The following MYO1D variants were observed in gnomAD, a reference collection of about 807,000 sequenced individuals.
The protein encoded by MYO1D is unconventional myosin-Id.
MYO1D carries 83 observed loss-of-function variants against 122.0 expected under a neutral mutation model. The ratio of observed to expected loss-of-function variants is 0.68; its 90% CI spans 0.57 to 0.82. The LOEUF (loss-of-function observed/expected upper bound fraction) is 0.82, where lower values mean the gene tolerates loss of function less well. Among genes scored for constraint, MYO1D ranks in the 40% least tolerant of loss-of-function variants. The probability of loss-of-function intolerance (pLI) is 0.00; values close to 1 mark genes in which losing one functional copy is unlikely to be tolerated. For synonymous variants in MYO1D, 464 were observed against 446.9 expected, an observed-to-expected ratio of 1.04 and a Z score of -0.48; for missense variants, 1,157 against 1,269.5, an observed-to-expected ratio of 0.91 and a Z score of 1.35.
At chr17:32,747,562 C>T (rs1401145491) in intron 12 of MYO1D, among the ~76,000 whole-genome samples, 2 of 152,122 alleles carry the variant, frequency 1.3e-5, no homozygotes, top group Non-Finnish European at 2.9e-5. Context: ...AGCGGCCAGG[C>T]TCGGTGGCTC....
At chr17:32,730,904 C>CTT (rs754771399) in intron 14 of MYO1D, among the ~76,000 whole-genome samples, 3,732 of 108,724 alleles carry the variant, frequency 0.034, 307 homozygotes, top group African/African-American at 0.12. Context: ...TTCCACGTGT[C>CTT]TTTTTTTTTT....
chr17:32,681,123 C>T (rs1340408744), intron 16 of MYO1D, among the ~76,000 whole-genome samples: 1 of 151,780 alleles, frequency 6.6e-6, no homozygotes, highest in African/African-American at 2.4e-5. Flanking sequence ...TTTATTGTGT[C>T]TATTTGATTC....
rs2088434827 is a variant in MYO1D, at chr17:32,653,896, A to G, written c.2542T>C (p.Leu848=). ...SGTFVPVANE[L]KRKDKYMNVL... ...TTCATGTATTTGTCCTTCCGTTTCA[A>G]TTCATTAGCAACAGGGACAAAAGTG... The change falls in exon 19 of 22, where the codon TTG becomes CTG. Residue 848 remains leucine (L), a synonymous_variant. Coordinates refer to ENST00000318217, the MANE Select transcript of MYO1D (RefSeq NM_015194.3). The G allele has an allele frequency of 1.9e-6, 3 of 1,614,082 alleles. No homozygotes were observed. The highest frequency in any genetic ancestry group is 2.5e-6 in the Non-Finnish European group (3 of 1,179,984).
intron 20 of MYO1D, among the ~76,000 whole-genome samples, chr17:32,634,522 T>C (rs59800982): frequency 1.1e-3 from 164 of 152,300 alleles, no homozygotes; most frequent in African/African-American, 3.9e-3. Context: ...GATAGTGGGA[T>C]TGGATGGGTA....
At chr17:32,628,160 T>C (rs1326277421) in intron 20 of MYO1D, among the ~76,000 whole-genome samples, 2 of 152,246 alleles carry the variant, frequency 1.3e-5, no homozygotes, top group Non-Finnish European at 2.9e-5. Flanking sequence ...CTGACCCTAC[T>C]GTCCCTGTAA....
chr17:32,874,754 GC>G (rs2091214583), intron 1 of MYO1D, among the ~76,000 whole-genome samples: 2 of 151,852 alleles, frequency 1.3e-5, no homozygotes, highest in African/African-American at 4.8e-5. Context: ...AACTCTAAGG[GC>G]CCATCTCTAA....
chr17:32,715,214 G>A (rs1432490133), intron 15 of MYO1D, among the ~76,000 whole-genome samples: 1 of 152,154 alleles, frequency 6.6e-6, no homozygotes, highest in Non-Finnish European at 1.5e-5. Flanking sequence ...ACTATTGGTG[G>A]GAATGTAAAT....
chr17:32,522,214 A>C (rs1193260024), intron 21 of MYO1D, among the ~76,000 whole-genome samples: 2 of 152,194 alleles, frequency 1.3e-5, no homozygotes, highest in Admixed American at 6.5e-5. Flanking sequence ...TTAACTAAAA[A>C]TGATAGAGGT....
At chr17:32,771,338 T>C (rs1289082406) in intron 5 of MYO1D, 118 bp from the exon 6 acceptor site, 3 of 658,088 alleles carry the variant, frequency 4.6e-6, no homozygotes, top group African/African-American at 1.8e-5. Flanking sequence ...TCTTCCTGTT[T>C]CTAGCTTTGA....
intron 18 of MYO1D, 54 bp downstream of exon 18, chr17:32,654,422 CT>C (rs1204634224): frequency 6.5e-7 from 1 of 1,530,560 alleles, no homozygotes; most frequent in Non-Finnish European, 8.8e-7. Context: ...ATATGTACTT[CT>C]CTTTTTTAGT....
At chr17:32,745,160 C>T in intron 13 of MYO1D, 51 bp downstream of exon 13, 1 of 1,006,956 alleles carries the variant, frequency 9.9e-7, no homozygotes, top group Non-Finnish European at 1.5e-6. Context: ...GCATATATTA[C>T]ATATGTCAAT....
intron 8 of MYO1D, among the ~76,000 whole-genome samples, chr17:32,760,954 T>C (rs1448878604): frequency 1.3e-5 from 2 of 152,274 alleles, no homozygotes; most frequent in African/African-American, 4.8e-5. Flanking sequence ...CATTGCTTTA[T>C]TATTAATTTC....
At chr17:32,559,721 C>T (rs181908312) in intron 21 of MYO1D, among the ~76,000 whole-genome samples, 3 of 152,276 alleles carry the variant, frequency 2.0e-5, no homozygotes, top group Admixed American at 2.0e-4. Flanking sequence ...CACTTTGTTA[C>T]CATTATCTTT....
chr17:32,711,888 A>G lies in MYO1D; in HGVS notation c.2121+100T>C, dbSNP rs75219052. On this transcript the variant is annotated intron_variant, in intron 16 of 21. Transcript: ENST00000318217. ...AAGATATGCATAGACATAAAACAACATATCTTCCAGGAATATTTCTTGAAT... is the reference window on the plus strand; with the variant it reads ...AAGATATGCATAGACATAAAACAACGTATCTTCCAGGAATATTTCTTGAAT... 3,741 of 1,031,586 alleles carry G rather than the reference A, an allele frequency of 3.6e-3. 70 individuals carry two copies. In the African/African-American group the frequency reaches 0.048, roughly 13 times the overall value. The allele number at this position is 1,031,586 out of a possible 1,614,324, so 63.9% of individuals were successfully genotyped here.
At chr17:32,863,874 T>A (rs1424425523) in intron 1 of MYO1D, among the ~76,000 whole-genome samples, 2 of 152,134 alleles carry the variant, frequency 1.3e-5, no homozygotes, top group Non-Finnish European at 2.9e-5. Flanking sequence ...AGAACTGAAG[T>A]AGATTTTTTA....
intron 21 of MYO1D, among the ~76,000 whole-genome samples, chr17:32,604,436 TCTGAAA>T (rs765944602): frequency 6.6e-6 from 1 of 152,174 alleles, no homozygotes; most frequent in Non-Finnish European, 1.5e-5. Flanking sequence ...AAATCCAATC[TCTGAAA>T]CAACTCCAAT....
intron 19 of MYO1D, among the ~76,000 whole-genome samples, chr17:32,645,880 T>C (rs1255209812): frequency 6.6e-6 from 1 of 152,234 alleles, no homozygotes; most frequent in South Asian, 2.1e-4. Flanking sequence ...AGTTTGATCA[T>C]CTGAAGCCTT....
intron 14 of MYO1D, among the ~76,000 whole-genome samples, chr17:32,733,937 C>A (rs1326858192): frequency 6.6e-6 from 1 of 152,116 alleles, no homozygotes; most frequent in Non-Finnish European, 1.5e-5. Flanking sequence ...GAGGTCTTTA[C>A]ATCTGTGTTT....
At chr17:32,689,260 T>G (rs907717828) in intron 16 of MYO1D, among the ~76,000 whole-genome samples, 2 of 152,214 alleles carry the variant, frequency 1.3e-5, no homozygotes, top group African/African-American at 4.8e-5. Flanking sequence ...CTTGATTATA[T>G]TTTGAGTTCC....
Sources: allele counts gnomAD v4.1 joint callset (sites outside exome capture counted in the v4.1 genomes callset), GRCh38; gene constraint gnomAD v4.1.1; transcripts MANE v1.5; gene names NCBI Gene and HGNC (gene_info 2026-07-23, HGNC 2026-07-21).